Variants in NKAIN2 observed in about 807,000 individuals in gnomAD.
NKAIN2 encodes sodium/potassium-transporting ATPase subunit beta-1-interacting protein 2.
NKAIN2 carries 14 observed loss-of-function variants against 32.6 expected under a neutral mutation model. The observed-to-expected ratio is 0.43, with a 90% confidence interval of 0.28 to 0.67. NKAIN2 has a LOEUF of 0.67. Among genes scored for constraint, NKAIN2 ranks in the 30% least tolerant of loss-of-function variants. NKAIN2 has a pLI of 0.17. For missense variants in NKAIN2, 198 were observed against 258.3 expected (o/e 0.77, Z 1.60); for synonymous variants, 80 against 87.2 (o/e 0.92, Z 0.46).
At chr6:123,959,301 G>T (rs563902199) in intron 1 of NKAIN2, among the ~76,000 whole-genome samples, 33 of 152,246 alleles carry the variant, frequency 2.2e-4, no homozygotes, top group African/African-American at 7.7e-4. Flanking sequence ...GCCATGTGGA[G>T]CTCTTTGCCC....
chr6:124,343,232 G>T (rs1271151877), intron 2 of NKAIN2, among the ~76,000 whole-genome samples: 1 of 151,956 alleles, frequency 6.6e-6, no homozygotes, highest in African/African-American at 2.4e-5. Context: ...ATCTATCATT[G>T]TTGGACATTT....
chr6:124,420,324 A>G (rs1052757187), intron 3 of NKAIN2, among the ~76,000 whole-genome samples: 2 of 152,146 alleles, frequency 1.3e-5, no homozygotes, highest in Non-Finnish European at 2.9e-5. Flanking sequence ...TTTGCCCATC[A>G]AAGTGCAGAT....
chr6:124,641,060 C>T (rs1480157805), intron 3 of NKAIN2, among the ~76,000 whole-genome samples: 1 of 152,062 alleles, frequency 6.6e-6, no homozygotes, highest in African/African-American at 2.4e-5. Flanking sequence ...TGTTCCTGTA[C>T]CCTTAAGAAA....
chr6:124,330,213 T>C (rs115549431), intron 2 of NKAIN2, among the ~76,000 whole-genome samples: 1 of 152,236 alleles, frequency 6.6e-6, no homozygotes, highest in African/African-American at 2.4e-5. Context: ...GAGGTCCTCA[T>C]TGCCAGCTAT....
At chr6:124,278,653 A>ATG (rs1282627933) in intron 1 of NKAIN2, among the ~76,000 whole-genome samples, 896 of 51,112 alleles carry the variant, frequency 0.018, 25 homozygotes, top group African/African-American at 0.091. Context: ...CATAGCTCAT[A>ATG]TATATATATA....
intron 4 of NKAIN2, among the ~76,000 whole-genome samples, chr6:124,707,139 T>A (rs1775129252): frequency 6.6e-6 from 1 of 152,028 alleles, no homozygotes; most frequent in East Asian, 1.9e-4. Flanking sequence ...TGATTTCTAA[T>A]TTCATCCATG....
intron 3 of NKAIN2, among the ~76,000 whole-genome samples, chr6:124,515,705 C>A (rs978065010): frequency 3.0e-4 from 1 of 3,312 alleles, no homozygotes; most frequent in Non-Finnish European, 0.026. Flanking sequence ...CATTTTTCTT[C>A]GCTTTCTCTC....
At chr6:124,355,236 T>C in intron 2 of NKAIN2, 31 bp from the exon 3 acceptor site, 1 of 1,396,060 alleles carries the variant, frequency 7.2e-7, no homozygotes, top group East Asian at 2.3e-5. Context: ...CCAAATTAAT[T>C]ATACGTTATT....
At position 124,576,461 on chromosome 6, in the gene NKAIN2, C is replaced by T. The variant is rs549421960; in HGVS notation, c.274-81725C>T. On this transcript the variant is annotated intron_variant, in intron 3 of 6. Coordinates refer to ENST00000368417, the MANE Select transcript of NKAIN2 (RefSeq NM_001040214.3). ...AAGTTAGAATTTTGGAAAAGTCATGCGAACCACACTGGGCTGGACAGCTTA... is the reference window on the plus strand; with the variant it reads ...AAGTTAGAATTTTGGAAAAGTCATGTGAACCACACTGGGCTGGACAGCTTA... Among the ~76,000 whole-genome samples the T allele has an allele frequency of 2.1e-4, 32 of 152,164 alleles. No individual in the cohort carries two copies. In the East Asian group the frequency reaches 3.1e-3, roughly 15 times the overall value.
At chr6:124,033,076 C>A (rs566647785) in intron 1 of NKAIN2, among the ~76,000 whole-genome samples, 1 of 151,950 alleles carries the variant, frequency 6.6e-6, no homozygotes, top group Non-Finnish European at 1.5e-5. Context: ...CAGAGGAAAG[C>A]AAATAGATTT....
intron 1 of NKAIN2, among the ~76,000 whole-genome samples, chr6:123,979,797 G>A (rs1778809124): frequency 6.6e-6 from 1 of 152,124 alleles, no homozygotes; most frequent in Non-Finnish European, 1.5e-5. Flanking sequence ...ACATTTCTGA[G>A]CTCAACTCTC....
chr6:124,235,750 G>T (rs1338521982), intron 1 of NKAIN2, among the ~76,000 whole-genome samples: 1 of 151,236 alleles, frequency 6.6e-6, no homozygotes, highest in East Asian at 2.0e-4. Flanking sequence ...AGGCACCCGT[G>T]ACCACTCCCA....
At chr6:124,284,664 T>G (rs1168228286) in intron 2 of NKAIN2, among the ~76,000 whole-genome samples, 1 of 152,036 alleles carries the variant, frequency 6.6e-6, no homozygotes, top group Non-Finnish European at 1.5e-5. Flanking sequence ...ATTTAAAAAC[T>G]CAGAGGTTAA....
chr6:124,284,855 C>T (rs937715584), intron 2 of NKAIN2, among the ~76,000 whole-genome samples: 1 of 151,724 alleles, frequency 6.6e-6, no homozygotes, highest in Non-Finnish European at 1.5e-5. Flanking sequence ...GCAAGGTGTT[C>T]TAGATGTTGG....
At chr6:124,447,567 G>T (rs186903817) in intron 3 of NKAIN2, among the ~76,000 whole-genome samples, 4 of 152,214 alleles carry the variant, frequency 2.6e-5, no homozygotes, top group Admixed American at 2.0e-4. Flanking sequence ...GCAGTTGCAG[G>T]TGCTTTCATT....
intron 1 of NKAIN2, among the ~76,000 whole-genome samples, chr6:123,808,132 T>C (rs1327409409): frequency 6.6e-6 from 1 of 152,172 alleles, no homozygotes; most frequent in Non-Finnish European, 1.5e-5. Context: ...TTTTAGAAAA[T>C]AAAGCGTTGC....
intron 3 of NKAIN2, among the ~76,000 whole-genome samples, chr6:124,415,878 C>CTT: frequency 0.37 from 26,656 of 72,064 alleles, 6,435 homozygotes; most frequent in South Asian, 0.55. Context: ...TTTTTATTTG[C>CTT]TTTTTTTTTT....
chr6:124,102,067 C>T (rs567930203), intron 1 of NKAIN2, among the ~76,000 whole-genome samples: 1 of 152,326 alleles, frequency 6.6e-6, no homozygotes, highest in East Asian at 1.9e-4. Context: ...CCAGATCGAA[C>T]TTCAAGGAAC....
At chr6:124,354,140 A>G (rs1798860343) in intron 2 of NKAIN2, among the ~76,000 whole-genome samples, 1 of 151,998 alleles carries the variant, frequency 6.6e-6, no homozygotes, top group African/African-American at 2.4e-5. Context: ...GTGTTTCTTA[A>G]CCTCTTTTGT....
Sources: gnomAD v4.1 joint callset for allele counts (sites outside exome capture counted in the v4.1 genomes callset) on GRCh38, gnomAD v4.1.1 for gene constraint, MANE v1.5 for transcripts, NCBI Gene and HGNC (gene_info 2026-07-23, HGNC 2026-07-21) for gene names.